The following RALGPS1 variants were observed in gnomAD, a reference collection of about 807,000 sequenced individuals.
RALGPS1 encodes the protein Ral GEF with PH domain and SH3 binding motif 1, also known as ras-specific guanine nucleotide-releasing factor RalGPS1.
A neutral mutation model predicts 78.8 loss-of-function variants in RALGPS1; 19 were observed. That is an observed-to-expected ratio of 0.24 (90% CI 0.17 to 0.35). The LOEUF is 0.35. Among genes scored for constraint, RALGPS1 ranks in the 10% least tolerant of loss-of-function variants. The pLI is 1.00. For missense variants in RALGPS1, 454 were observed against 688.3 expected, an observed-to-expected ratio of 0.66 and a Z score of 3.81; for synonymous variants, 228 against 256.3, an observed-to-expected ratio of 0.89 and a Z score of 1.06.
intron 3 of RALGPS1, among the ~76,000 whole-genome samples, chr9:126,969,576 C>T (rs367696601): frequency 6.6e-6 from 1 of 152,192 alleles, no homozygotes; most frequent in East Asian, 1.9e-4. Flanking sequence ...AGGCCAGTGG[C>T]CTAGCTTCTA....
chr9:126,916,213 A>ACTGT (rs555159152), intron 1 of RALGPS1, among the ~76,000 whole-genome samples: 70 of 152,222 alleles, frequency 4.6e-4, no homozygotes, highest in South Asian at 1.0e-3. Context: ...AAGAGGTGAG[A>ACTGT]CTAGACCACT....
At chr9:127,123,252 A>T (rs778904116) in intron 8 of RALGPS1, among the ~76,000 whole-genome samples, 2 of 152,236 alleles carry the variant, frequency 1.3e-5, no homozygotes, top group Non-Finnish European at 2.9e-5. Context: ...AGTTAGCAGG[A>T]GGCAGTGGCT....
intron 4 of RALGPS1, chr9:126,990,066 C>T (rs911706286): frequency 2.6e-5 from 40 of 1,532,706 alleles, no homozygotes; most frequent in Admixed American, 8.1e-5. Context: ...TCCAGAAAGC[C>T]GAGGTCAATG....
chr9:127,015,837 C>T (rs554562114), intron 4 of RALGPS1, among the ~76,000 whole-genome samples: 66 of 152,202 alleles, frequency 4.3e-4, no homozygotes, highest in African/African-American at 1.5e-3. Flanking sequence ...TCCCTCCCTG[C>T]CCTGCTCCAC....
chr9:126,976,380 T>C (rs755386113), intron 3 of RALGPS1, among the ~76,000 whole-genome samples: 99 of 148,022 alleles, frequency 6.7e-4, no homozygotes, highest in Admixed American at 1.3e-3. Context: ...CACACACTTA[T>C]ACGCTTACAC....
chr9:126,927,928 G>T (rs1170935394), intron 1 of RALGPS1, among the ~76,000 whole-genome samples: 1 of 152,204 alleles, frequency 6.6e-6, no homozygotes, highest in Admixed American at 6.5e-5. Context: ...TGCATCCCTG[G>T]TCCACTCTGT....
chr9:127,010,102 G>A (rs1485723363), intron 4 of RALGPS1, among the ~76,000 whole-genome samples: 6 of 152,122 alleles, frequency 3.9e-5, no homozygotes, highest in Non-Finnish European at 8.8e-5. Context: ...AGAACAGTGG[G>A]AGGCCAGGTG....
chr9:127,000,735 G>A (rs1285456598), intron 4 of RALGPS1, among the ~76,000 whole-genome samples: 1 of 150,310 alleles, frequency 6.7e-6, no homozygotes, highest in African/African-American at 2.4e-5. Context: ...TGTATTTTTA[G>A]TAGAGACGGG....
In RALGPS1 at chr9:127,122,249, C is replaced by T. The variant is rs749301073; in HGVS notation, c.611-43820C>T. The T allele has an allele frequency of 3.3e-5, 5 of 152,330 alleles. No individual in the cohort carries two copies. The highest frequency in any genetic ancestry group is 4.8e-5 in the African/African-American group (2 of 41,440). 9.4% of individuals were successfully genotyped at this position (152,330 alleles called of 1,614,324 possible). A position where few individuals can be genotyped will look rare whatever the true frequency, so the allele number is the denominator to read the frequency against. On this transcript the variant is annotated intron_variant, in intron 8 of 18. Coordinates refer to ENST00000259351, the MANE Select transcript of RALGPS1 (RefSeq NM_014636.3). The surrounding 1 kb of genome is among the most constrained non-coding windows in gnomAD (Gnocchi z 6.4). ...GCTGGAGGGTCAGGGTTCTGGAAGC[C>T]CTAGCCACGGGGCCAGCGGCTGCCT... is the stretch of plus-strand genomic sequence containing the variant.
intron 14 of RALGPS1, among the ~76,000 whole-genome samples, chr9:127,200,651 G>A (rs1400853320): frequency 1.3e-5 from 2 of 152,164 alleles, no homozygotes; most frequent in Admixed American, 6.5e-5. Flanking sequence ...TCCCCTCCCC[G>A]GCCATCTGGG....
intron 1 of RALGPS1, 27 bp downstream of exon 1, chr9:126,915,002 G>A (rs1372461969): frequency 6.6e-6 from 1 of 150,756 alleles, no homozygotes; most frequent in Non-Finnish European, 1.5e-5. Context: ...GCGGCGGCGG[G>A]GAGAGCGGCG....
At chr9:127,039,776 T>C (rs528054744) in intron 5 of RALGPS1, among the ~76,000 whole-genome samples, 1 of 151,046 alleles carries the variant, frequency 6.6e-6, no homozygotes, top group African/African-American at 2.4e-5. Context: ...GTCAGTGAAA[T>C]GGGAGGGAAA....
rs1029191799 is a variant in RALGPS1, at chr9:127,217,686, C to G, written c.1645-1054C>G. On this transcript the variant is annotated intron_variant, in intron 18 of 18. Transcript: ENST00000259351. Reference sequence around the variant, plus strand: ...GGTTTCTCTCCCTCCCACCTGTGCCCCAGCACCACTCTCCTGATTTGTTTG... The same window carrying G: ...GGTTTCTCTCCCTCCCACCTGTGCCGCAGCACCACTCTCCTGATTTGTTTG... 2.6e-5 allele frequency: 4 copies of G among 152,566 alleles called. No individual in the cohort carries two copies. In the East Asian group the frequency reaches 7.7e-4, roughly 29 times the overall value. 9.5% of individuals were successfully genotyped at this position (152,566 alleles called of 1,614,324 possible).
At chr9:126,979,282 T>A (rs1042985811) in intron 4 of RALGPS1, among the ~76,000 whole-genome samples, 2 of 152,032 alleles carry the variant, frequency 1.3e-5, no homozygotes, top group Non-Finnish European at 2.9e-5. Flanking sequence ...TGTGCTTGTG[T>A]CTGTGTGTTC....
intron 13 of RALGPS1, 40 bp from the exon 14 acceptor site, chr9:127,198,975 G>A: frequency 6.3e-7 from 1 of 1,595,680 alleles, no homozygotes; most frequent in African/African-American, 1.3e-5. Context: ...CCCCTCTTCT[G>A]TGAAGCCGTT....
At chr9:127,178,792 AC>A (rs751635176) in intron 11 of RALGPS1, among the ~76,000 whole-genome samples, 3 of 152,222 alleles carry the variant, frequency 2.0e-5, no homozygotes, top group Non-Finnish European at 4.4e-5. Flanking sequence ...CAGAGCGTGA[AC>A]TATTTACTAT....
intron 7 of RALGPS1, among the ~76,000 whole-genome samples, chr9:127,068,762 A>C (rs2049932073): frequency 6.6e-6 from 1 of 152,226 alleles, no homozygotes; most frequent in African/African-American, 2.4e-5. Context: ...TATGGGGCTT[A>C]TCCCATAGGC....
chr9:127,073,016 G>A (rs1296979717), intron 8 of RALGPS1, among the ~76,000 whole-genome samples: 1 of 152,180 alleles, frequency 6.6e-6, no homozygotes, highest in African/African-American at 2.4e-5. Flanking sequence ...TTCATAGAAT[G>A]TATAATAATC....
At chr9:127,215,761 G>A (rs1018027202) in intron 18 of RALGPS1, among the ~76,000 whole-genome samples, 5 of 152,188 alleles carry the variant, frequency 3.3e-5, no homozygotes, top group South Asian at 4.1e-4. Context: ...AGATGGGGGC[G>A]GGCTGAAGCC....
Sources: gnomAD v4.1 joint callset for allele counts (sites outside exome capture counted in the v4.1 genomes callset) on GRCh38, gnomAD v4.1.1 for gene constraint, Gnocchi (gnomAD v3.1) non-coding constraint, MANE v1.5 for transcripts, NCBI Gene and HGNC (gene_info 2026-07-23, HGNC 2026-07-21) for gene names.